RBFOX3: variants seen among roughly 807,000 people sequenced by gnomAD.
RBFOX3 encodes RNA binding protein fox-1 homolog 3.
In RBFOX3, 17 loss-of-function variants were observed where a neutral mutation model predicts 48.7. The observed-to-expected ratio is 0.35, with a 90% CI of 0.24 to 0.52. The LOEUF (loss-of-function observed/expected upper bound fraction) is 0.52, where lower values mean the gene tolerates loss of function less well. Among genes scored for constraint, RBFOX3 ranks in the 20% least tolerant of loss-of-function variants. RBFOX3 has a pLI of 0.94. For missense variants in RBFOX3, 382 were observed against 497.5 expected, an observed-to-expected ratio of 0.77 and a Z score of 2.21; for synonymous variants, 212 against 209.5, an observed-to-expected ratio of 1.01 and a Z score of -0.10.
chr17:79,370,275 C>T (rs536141506), intron 2 of RBFOX3, among the ~76,000 whole-genome samples: 16 of 152,368 alleles, frequency 1.1e-4, no homozygotes, highest in African/African-American at 3.4e-4. Flanking sequence ...CGGGTTGCCA[C>T]GTGTGCAGCC....
chr17:79,272,198 C>T (rs541683507), intron 3 of RBFOX3, among the ~76,000 whole-genome samples: 3 of 152,214 alleles, frequency 2.0e-5, no homozygotes, highest in East Asian at 1.9e-4. Context: ...AGGCAGCAGC[C>T]GCCGTTGCTA....
At chr17:79,310,740 C>T (rs527770170) in intron 2 of RBFOX3, among the ~76,000 whole-genome samples, 9 of 152,324 alleles carry the variant, frequency 5.9e-5, no homozygotes, top group Non-Finnish European at 1.3e-4. Flanking sequence ...TCACCCCCAG[C>T]GCTGCCTCGG....
At chr17:79,398,394 T>G (rs181424044) in intron 2 of RBFOX3, among the ~76,000 whole-genome samples, 1 of 152,198 alleles carries the variant, frequency 6.6e-6, no homozygotes, top group Admixed American at 6.5e-5. Flanking sequence ...CACTATGGGA[T>G]GTGAACTGGC....
At chr17:79,445,204 G>A (rs936612683) in intron 2 of RBFOX3, among the ~76,000 whole-genome samples, 28 of 152,290 alleles carry the variant, frequency 1.8e-4, no homozygotes, top group Non-Finnish European at 3.2e-4. Flanking sequence ...TGGCGCTGCT[G>A]GGAACACGGG....
chr17:79,625,026 C>T, the RBFOX3 span, among the ~76,000 whole-genome samples: 1 of 152,016 alleles, frequency 6.6e-6, no homozygotes, highest in African/African-American at 2.4e-5. Flanking sequence ...GCACACCTCC[C>T]ATGGTTAAAG....
the RBFOX3 span, among the ~76,000 whole-genome samples, chr17:79,647,586 A>G: frequency 3.9e-5 from 6 of 152,090 alleles, no homozygotes; most frequent in Non-Finnish European, 8.8e-5. Flanking sequence ...GCTCTCTGCC[A>G]TCTCCCCCAG....
chr17:79,480,593 C>T lies in RBFOX3; in HGVS notation c.-175+1861G>A, dbSNP rs1387060679. On this transcript the variant is annotated intron_variant, in intron 2 of 14. Transcript: ENST00000693108. The surrounding 1 kb of genome is among the most constrained non-coding windows in gnomAD (Gnocchi z 4.8). Reference sequence around the variant, plus strand: ...CTCCTTCCTCCACCTGCACAGCCCCCGGACCCCGTGATGCCAGCCCCTCCT... The same window carrying T: ...CTCCTTCCTCCACCTGCACAGCCCCTGGACCCCGTGATGCCAGCCCCTCCT... Among the ~76,000 whole-genome samples, 1 of 152,178 alleles carries T rather than the reference C, an allele frequency of 6.6e-6. No homozygotes were observed. Among genetic ancestry groups the T allele is most frequent in the Non-Finnish European group, 1.5e-5 (1 of 68,038 alleles).
the RBFOX3 span, among the ~76,000 whole-genome samples, chr17:79,631,130 G>A: frequency 6.6e-6 from 1 of 152,090 alleles, no homozygotes; most frequent in Non-Finnish European, 1.5e-5. Context: ...CCCACACAGG[G>A]TGCAGTCAAC....
intron 2 of RBFOX3, among the ~76,000 whole-genome samples, chr17:79,467,216 A>G (rs2076433344): frequency 6.6e-6 from 1 of 152,018 alleles, no homozygotes; most frequent in Non-Finnish European, 1.5e-5. Flanking sequence ...CTCACCAGCC[A>G]CACCGTGCTG....
At chr17:79,451,228 G>GA (rs201970937) in intron 2 of RBFOX3, among the ~76,000 whole-genome samples, 14 of 151,226 alleles carry the variant, frequency 9.3e-5, no homozygotes, top group East Asian at 3.9e-4. Flanking sequence ...TAGTAAATGA[G>GA]AAAAAAAAAT....
rs118178782 is a variant in RBFOX3, at chr17:79,186,340, G to C, written c.-34+49426C>G. Among the ~76,000 whole-genome samples the C allele has an allele frequency of 2.2e-3, 336 of 152,396 alleles. 12 individuals are homozygous for C. The East Asian group carries it at 0.059, about 27-fold the overall frequency. ...ACAGGGGCTGTTACGCTGTGCTTCA[G>C]CACGAGCCAGTTAGCGAACAGCACG... is the stretch of plus-strand genomic sequence containing the variant. On this transcript the variant is annotated intron_variant, in intron 4 of 14. Coordinates refer to ENST00000693108, the MANE Select transcript of RBFOX3 (RefSeq NM_001350451.2).
At chr17:79,180,606 C>CA (rs2051691300) in intron 4 of RBFOX3, among the ~76,000 whole-genome samples, 1 of 152,214 alleles carries the variant, frequency 6.6e-6, no homozygotes, top group African/African-American at 2.4e-5. Flanking sequence ...GGGGCTGCTG[C>CA]AGGCTCTGGC....
chr17:79,511,098 C>G (rs563769702), intron 1 of RBFOX3, among the ~76,000 whole-genome samples: 2 of 152,176 alleles, frequency 1.3e-5, no homozygotes, highest in Non-Finnish European at 2.9e-5. Context: ...TCCTCATCCA[C>G]GCAGGGGCAC....
At chr17:79,285,179 C>G (rs2071572428) in intron 3 of RBFOX3, among the ~76,000 whole-genome samples, 1 of 152,202 alleles carries the variant, frequency 6.6e-6, no homozygotes, top group Non-Finnish European at 1.5e-5. Context: ...ACAGCCAACC[C>G]TCCTCTGGGC....
intron 4 of RBFOX3, among the ~76,000 whole-genome samples, chr17:79,154,876 G>A (rs1428670443): frequency 2.1e-5 from 3 of 144,462 alleles, no homozygotes; most frequent in African/African-American, 7.3e-5. Context: ...CACATGCACA[G>A]GTGGGCAGGA....
chr17:79,292,702 C>T (rs2144950771), intron 3 of RBFOX3, among the ~76,000 whole-genome samples: 1 of 152,264 alleles, frequency 6.6e-6, no homozygotes, highest in South Asian at 2.1e-4. Flanking sequence ...AATGAGGGAA[C>T]AGCAGTATGC....
At chr17:79,562,528 T>C (rs36156881) in intron 1 of RBFOX3, among the ~76,000 whole-genome samples, 5,101 of 152,292 alleles carry the variant, frequency 0.033, 155 homozygotes, top group East Asian at 0.17. Context: ...AGCCCACCAT[T>C]GCTAAAACAT....
At chr17:79,554,929 A>G (rs991410620) in intron 1 of RBFOX3, among the ~76,000 whole-genome samples, 6 of 152,270 alleles carry the variant, frequency 3.9e-5, no homozygotes, top group Middle Eastern at 3.4e-3. Context: ...TAGAACATCA[A>G]CGGACAGAAC....
chr17:79,158,524 C>T (rs772497016), intron 4 of RBFOX3, among the ~76,000 whole-genome samples: 2 of 152,200 alleles, frequency 1.3e-5, no homozygotes, highest in Non-Finnish European at 2.9e-5. Flanking sequence ...ACCTTGCTTG[C>T]AGCTCTCACG....
Sources: allele counts gnomAD v4.1 joint callset (sites outside exome capture counted in the v4.1 genomes callset), GRCh38; gene constraint gnomAD v4.1.1; non-coding constraint Gnocchi (gnomAD v3.1); transcripts MANE v1.5; gene names NCBI Gene and HGNC (gene_info 2026-07-23, HGNC 2026-07-21).